CLYBL: variants seen among roughly 807,000 people sequenced by gnomAD.
CLYBL encodes citramalyl-CoA lyase.
CLYBL carries 31 observed loss-of-function variants against 38.9 expected under a neutral mutation model. That is an observed-to-expected ratio of 0.80 (90% CI 0.60 to 1.08). The LOEUF (loss-of-function observed/expected upper bound fraction) is 1.08. Ranked by LOEUF, CLYBL falls within the 50% of genes least tolerant of loss-of-function variation. The pLI is 0.00. For missense variants in CLYBL, 434 were observed against 411.6 expected (o/e 1.05, Z -0.47); for synonymous variants, 171 against 158.6 (o/e 1.08, Z -0.59).
chr13:99,678,966 T>C (rs1456602470), intron 1 of CLYBL, among the ~76,000 whole-genome samples: 1 of 152,194 alleles, frequency 6.6e-6, no homozygotes, highest in Non-Finnish European at 1.5e-5. Context: ...CAAAATATTT[T>C]AACTTGTTTG....
chr13:99,901,439 C>T (rs1000133686), downstream of CLYBL, among the ~76,000 whole-genome samples: 45 of 152,010 alleles, frequency 3.0e-4, no homozygotes, highest in Non-Finnish European at 7.4e-5. Context: ...TTCCGCAATC[C>T]TTCCTCGACT....
chr13:99,901,395 C>T (rs1261133232), downstream of CLYBL, among the ~76,000 whole-genome samples: 3 of 152,116 alleles, frequency 2.0e-5, no homozygotes, highest in Non-Finnish European at 4.4e-5. Context: ...GGAGGTAAAT[C>T]GAATGTCTTA....
At chr13:99,735,013 T>C (rs903862771) in intron 1 of CLYBL, among the ~76,000 whole-genome samples, 2 of 152,208 alleles carry the variant, frequency 1.3e-5, no homozygotes, top group African/African-American at 4.8e-5. Flanking sequence ...ATCTTCCCAT[T>C]TGTCTCTCAG....
rs138651303 is a variant in CLYBL at position 99,774,530 on chromosome 13, G to A, written c.249+1520G>A. 1.6e-3 allele frequency among the ~76,000 whole-genome samples: 241 copies of A among 152,312 alleles called. 3 individuals carry two copies. Among genetic ancestry groups the A allele is most frequent in the African/African-American group, 5.7e-3 (235 of 41,566 alleles). On this transcript the variant is annotated intron_variant, in intron 2 of 8. Transcript: ENST00000339105. ...GGGTCGTGGGGCGGGGGATGAGGGA[G>A]CTGGCTCTCTGGATTTATGCCTACT... is the stretch of plus-strand genomic sequence containing the variant.
At chr13:99,808,060 T>TTTTC (rs553566881) in intron 2 of CLYBL, among the ~76,000 whole-genome samples, 317 of 152,116 alleles carry the variant, frequency 2.1e-3, no homozygotes, top group Admixed American at 4.5e-3. Context: ...AGGATCCTCT[T>TTTTC]GGTTTTTGTT....
At chr13:99,886,156 G>A (rs552472485) in intron 7 of CLYBL, among the ~76,000 whole-genome samples, 21 of 152,280 alleles carry the variant, frequency 1.4e-4, no homozygotes, top group African/African-American at 4.8e-4. Context: ...CAGCAACACC[G>A]TCATCAGAAT....
At chr13:99,771,996 C>A (rs77713697) in intron 1 of CLYBL, among the ~76,000 whole-genome samples, 2 of 152,332 alleles carry the variant, frequency 1.3e-5, no homozygotes, top group East Asian at 1.9e-4. Context: ...GTCCTTCCTA[C>A]TCACTTAAAA....
chr13:99,891,380 T>G lies in CLYBL; in HGVS notation c.990T>G (p.Thr330=). The part of the protein sequence containing the change: ...DMPLLKQAQN[T]VTLATSIKEK ...CATTACTGAAGCAGGCCCAGAACAC[T>G]GTTACGCTTGCCACCTCCATCAAGG... Residue 330 remains threonine (T), a synonymous_variant, in exon 8 of 9, where the codon ACT becomes ACG. Transcript: ENST00000339105. 1 of 1,613,932 alleles carries G rather than the reference T, an allele frequency of 6.2e-7. No individual in the cohort carries two copies. The highest frequency in any genetic ancestry group is 8.5e-7 in the Non-Finnish European group (1 of 1,179,796).
At chr13:99,760,126 C>T (rs2049137923) in intron 1 of CLYBL, among the ~76,000 whole-genome samples, 1 of 152,178 alleles carries the variant, frequency 6.6e-6, no homozygotes. Flanking sequence ...GTTCATAGTA[C>T]TGTCTTATGA....
intron 1 of CLYBL, among the ~76,000 whole-genome samples, chr13:99,706,890 C>A (rs1468625886): frequency 1.3e-5 from 2 of 152,180 alleles, no homozygotes; most frequent in African/African-American, 2.4e-5. Context: ...GCAGCCTTGA[C>A]CTCCTGGGCT....
In CLYBL at chr13:99,871,161, C is replaced by T. The variant is rs73559350; in HGVS notation, c.927+99C>T. On this transcript the variant is annotated intron_variant, in intron 7 of 8. Coordinates refer to ENST00000339105, the MANE Select transcript of CLYBL (RefSeq NM_206808.5). ...GTGTGAATGGTTTAAGAAAACTCAT[C>T]GTATCTGGAGAGGGGGGAAAGGGAG... 8,179 of 1,368,886 alleles carry T rather than the reference C, an allele frequency of 6.0e-3. 371 individuals carry two copies. In the African/African-American group the frequency reaches 0.098, roughly 16 times the overall value. The allele number at this position is 1,368,886 out of a possible 1,614,324, so 84.8% of individuals were successfully genotyped here. A position where few individuals can be genotyped will look rare whatever the true frequency, so the allele number is the denominator to read the frequency against.
intron 1 of CLYBL, among the ~76,000 whole-genome samples, chr13:99,704,508 AT>A (rs1339016404): frequency 3.3e-5 from 5 of 152,210 alleles, no homozygotes; most frequent in African/African-American, 1.2e-4. Flanking sequence ...TCATATAATG[AT>A]TATATCAATT....
intron 2 of CLYBL, among the ~76,000 whole-genome samples, chr13:99,825,833 G>A (rs368994157): frequency 1.2e-4 from 19 of 152,298 alleles, no homozygotes; most frequent in East Asian, 7.7e-4. Flanking sequence ...GGTAGAACCC[G>A]AATAGACATC....
At chr13:99,824,028 T>A (rs954608489) in intron 2 of CLYBL, among the ~76,000 whole-genome samples, 6 of 152,210 alleles carry the variant, frequency 3.9e-5, no homozygotes, top group African/African-American at 1.4e-4. Flanking sequence ...GGAAAAGATA[T>A]GGGAAATAAT....
At chr13:99,618,045 G>T (rs2046740020) in intron 1 of CLYBL, among the ~76,000 whole-genome samples, 1 of 151,858 alleles carries the variant, frequency 6.6e-6, no homozygotes, top group South Asian at 2.1e-4. Context: ...TTTGTTTATT[G>T]TCCGCCTGTA....
intron 1 of CLYBL, among the ~76,000 whole-genome samples, chr13:99,629,608 C>G (rs2046915397): frequency 6.6e-6 from 1 of 152,178 alleles, no homozygotes; most frequent in South Asian, 2.1e-4. Context: ...AGCATTTATT[C>G]TGATTCTCAT....
intron 1 of CLYBL, among the ~76,000 whole-genome samples, chr13:99,765,242 G>C (rs1026175005): frequency 9.9e-5 from 15 of 152,100 alleles, no homozygotes; most frequent in Non-Finnish European, 1.9e-4. Context: ...TCATTCTGCT[G>C]CTTCCCCCTG....
chr13:99,622,991 C>T (rs1024698532), intron 1 of CLYBL, among the ~76,000 whole-genome samples: 2 of 152,092 alleles, frequency 1.3e-5, no homozygotes, highest in South Asian at 2.1e-4. Context: ...CACCACCACA[C>T]CTGGCTCATT....
At chr13:99,749,345 T>C (rs1173174203) in intron 1 of CLYBL, among the ~76,000 whole-genome samples, 1 of 152,200 alleles carries the variant, frequency 6.6e-6, no homozygotes, top group African/African-American at 2.4e-5. Flanking sequence ...TTCTGCTTTT[T>C]TCTTGACTCT....
Sources: gnomAD v4.1 joint callset for allele counts (sites outside exome capture counted in the v4.1 genomes callset) on GRCh38, gnomAD v4.1.1 for gene constraint, MANE v1.5 for transcripts, NCBI Gene and HGNC (gene_info 2026-07-23, HGNC 2026-07-21) for gene names.